Variants in FBXO16 observed in about 807,000 individuals in gnomAD.
FBXO16 encodes F-box protein 16.
In FBXO16, 31 loss-of-function variants were observed where a neutral mutation model predicts 41.0. The observed-to-expected ratio is 0.76, with a 90% CI of 0.57 to 1.02. The LOEUF is 1.02. Ranked by LOEUF, FBXO16 falls within the 50% of genes least tolerant of loss-of-function variation. The probability of loss-of-function intolerance (pLI) is 0.00; values close to 1 mark genes in which losing one functional copy is unlikely to be tolerated. For synonymous variants in FBXO16, 133 were observed against 117.8 expected (o/e 1.13, Z -0.84); for missense variants, 361 against 346.2 (o/e 1.04, Z -0.34).
chr8:28,460,655 C>T (rs1458291956), intron 4 of FBXO16, among the ~76,000 whole-genome samples: 1 of 151,758 alleles, frequency 6.6e-6, no homozygotes, highest in Non-Finnish European at 1.5e-5. Context: ...AAACTCCTGA[C>T]CTCAAGTGAT....
intron 7 of FBXO16, among the ~76,000 whole-genome samples, chr8:28,436,290 G>A (rs1802686097): frequency 6.6e-6 from 1 of 152,180 alleles, no homozygotes; most frequent in Non-Finnish European, 1.5e-5. Flanking sequence ...CCAGAAAGCT[G>A]CTCAGTCCTG....
chr8:28,477,879 G>A (rs1487872692), intron 2 of FBXO16, among the ~76,000 whole-genome samples: 2 of 152,150 alleles, frequency 1.3e-5, no homozygotes, highest in East Asian at 3.9e-4. Context: ...GGGCATGGTG[G>A]TGTGAGCCTG....
At position 28,483,358 on chromosome 8, in the gene FBXO16, A is replaced by G. The variant is rs143083989; in HGVS notation, c.89T>C (p.Leu30Ser). The part of the protein sequence containing the change: ...STWTPLNHQL[L>S]NDRVFEERRA... ...GTTCTGGTCACTTACCCGGTCATTC[A>G]ATAGCTGATGGTTTAGGGGTGTCCA... is the stretch of plus-strand genomic sequence containing the variant. The change falls in exon 2 of 9, where the codon TTG (leucine) becomes TCG (serine). Residue 30 changes from leucine (L) to serine (S), a missense_variant. By Grantham distance (145) the Leu-to-Ser change is moderately radical. Coordinates refer to ENST00000380254, the MANE Select transcript of FBXO16 (RefSeq NM_172366.4). 9.9e-6 allele frequency: 16 copies of G among 1,612,690 alleles called. No individual in the cohort carries two copies. The highest frequency in any genetic ancestry group is 1.4e-5 in the Non-Finnish European group (16 of 1,179,650).
intron 2 of FBXO16, among the ~76,000 whole-genome samples, chr8:28,480,100 T>A (rs796510617): frequency 4.5e-4 from 68 of 152,224 alleles, no homozygotes; most frequent in African/African-American, 1.6e-3. Flanking sequence ...TCTGTCTCTC[T>A]CCCTCTTTCT....
At chr8:28,466,573 C>T (rs1380295393) in intron 3 of FBXO16, among the ~76,000 whole-genome samples, 2 of 150,498 alleles carry the variant, frequency 1.3e-5, no homozygotes, top group African/African-American at 2.5e-5. Context: ...GGGTGGATCA[C>T]GAAGTCAGGA....
At chr8:28,474,316 C>CAAAAAAAA in intron 2 of FBXO16, among the ~76,000 whole-genome samples, 77 of 56,654 alleles carry the variant, frequency 1.4e-3, no homozygotes, top group East Asian at 2.5e-3. Flanking sequence ...CAGACCCTGT[C>CAAAAAAAA]AAAAAAAAAA....
intron 7 of FBXO16, among the ~76,000 whole-genome samples, chr8:28,443,653 A>G (rs1453551616): frequency 6.6e-6 from 1 of 152,160 alleles, no homozygotes; most frequent in African/African-American, 2.4e-5. Context: ...ATGAGGCTGA[A>G]ACCTACTGGG....
intron 2 of FBXO16, among the ~76,000 whole-genome samples, chr8:28,476,864 C>T (rs1022453548): frequency 6.6e-5 from 10 of 152,178 alleles, no homozygotes; most frequent in African/African-American, 2.4e-4. Flanking sequence ...TTTTAAAAAA[C>T]TGTGTATATT....
At chr8:28,454,659 C>T (rs1016652768) in intron 5 of FBXO16, among the ~76,000 whole-genome samples, 5 of 138,078 alleles carry the variant, frequency 3.6e-5, no homozygotes, top group Non-Finnish European at 7.6e-5. Flanking sequence ...GCCCGGGAGG[C>T]GGAGCTTGCA....
chr8:28,456,740 C>T (rs1446537306), intron 5 of FBXO16, 26 bp downstream of exon 5: 1 of 1,610,128 alleles, frequency 6.2e-7, no homozygotes. Flanking sequence ...TGTTTGCAAG[C>T]TTGTGGCTTT....
chr8:28,486,070 C>T (rs1264112435), intron 1 of FBXO16, among the ~76,000 whole-genome samples: 3 of 147,634 alleles, frequency 2.0e-5, no homozygotes, highest in African/African-American at 7.5e-5. Flanking sequence ...CGCGCCACTG[C>T]ACTCCAGCCT....
Position 28,441,908 on chromosome 8 carries a change from ATATGTGTGTG to A in FBXO16, c.843+5253_843+5262del, listed in dbSNP as rs1196668788. On this transcript the variant is annotated intron_variant, in intron 7 of 8. Transcript: ENST00000380254. ...TATATAAACTCCACAGTGTATATAT[ATATGTGTGTG>A]TGTGTGTGTGTGTGTGTGTGTGTGT... 1.1e-4 allele frequency among the ~76,000 whole-genome samples: 13 copies of A among 115,378 alleles called. 1 individual carries two copies. Among genetic ancestry groups the A allele is most frequent in the African/African-American group, 7.1e-4 (13 of 18,266 alleles). The allele number at this position is 115,378 out of a possible 152,430, so 75.7% of individuals were successfully genotyped here. A position where few individuals can be genotyped will look rare whatever the true frequency, so the allele number is the denominator to read the frequency against.
chr8:28,428,966 C>G (rs999339853), intron 8 of FBXO16, among the ~76,000 whole-genome samples: 1 of 152,062 alleles, frequency 6.6e-6, no homozygotes, highest in African/African-American at 2.4e-5. Context: ...TTTATTTCAT[C>G]TGAACCTCAA....
chr8:28,429,917 C>T (rs1379382978), intron 7 of FBXO16, among the ~76,000 whole-genome samples: 2 of 152,174 alleles, frequency 1.3e-5, no homozygotes, highest in East Asian at 1.9e-4. Context: ...TCTCCATCCA[C>T]AGGAAGTTTC....
At chr8:28,445,735 A>ATC (rs375451491) in intron 7 of FBXO16, among the ~76,000 whole-genome samples, 3 of 151,838 alleles carry the variant, frequency 2.0e-5, no homozygotes, top group Non-Finnish European at 4.4e-5. Context: ...AAAGAAGCTC[A>ATC]TCTCTCTCTC....
At chr8:28,433,354 C>T (rs767507293) in intron 7 of FBXO16, among the ~76,000 whole-genome samples, 2 of 152,200 alleles carry the variant, frequency 1.3e-5, no homozygotes, top group Non-Finnish European at 2.9e-5. Context: ...GGCCAATCAG[C>T]GCCTGAATCT....
At position 28,455,047 on chromosome 8, in the gene FBXO16, C is replaced by T. The variant is rs118101461; in HGVS notation, c.507+1719G>A. ...TTAGTATATGTGCTACTGAAACATG[C>T]ACTTTTTTCTCTTTTATTTCATGAA... is the stretch of plus-strand genomic sequence containing the variant. On this transcript the variant is annotated intron_variant, in intron 5 of 8. Transcript: ENST00000380254. 7.3e-3 allele frequency among the ~76,000 whole-genome samples: 1,113 copies of T among 151,552 alleles called. 8 individuals are homozygous for T. The highest frequency in any genetic ancestry group is 0.016 in the South Asian group (76 of 4,796).
At chr8:28,489,253 GAC>G (rs961622701) in intron 1 of FBXO16, among the ~76,000 whole-genome samples, 2 of 151,934 alleles carry the variant, frequency 1.3e-5, no homozygotes, top group African/African-American at 4.8e-5. Flanking sequence ...GAGGTGGGAG[GAC>G]TGCTTGAGCC....
chr8:28,438,754 T>C (rs1369801373), intron 7 of FBXO16, among the ~76,000 whole-genome samples: 1 of 152,136 alleles, frequency 6.6e-6, no homozygotes, highest in African/African-American at 2.4e-5. Context: ...ACTAAAATAG[T>C]GGTACGATGG....
Sources: allele counts gnomAD v4.1 joint callset (sites outside exome capture counted in the v4.1 genomes callset), GRCh38; gene constraint gnomAD v4.1.1; transcripts MANE v1.5; gene names NCBI Gene and HGNC (gene_info 2026-07-23, HGNC 2026-07-21).